CCDC150: variants seen among roughly 807,000 people sequenced by gnomAD.
CCDC150 encodes coiled-coil domain-containing protein 150.
Under a neutral mutation model 156.5 loss-of-function variants are expected in CCDC150, and 151 were observed. That is an observed-to-expected ratio of 0.97 (90% CI 0.85 to 1.10). The LOEUF (loss-of-function observed/expected upper bound fraction) is 1.10, where lower values mean the gene tolerates loss of function less well. Ranked by LOEUF, CCDC150 falls within the 50% of genes least tolerant of loss-of-function variation. The pLI, the probability that CCDC150 is intolerant of heterozygous loss-of-function variation, is 0.00. For synonymous variants in CCDC150, 452 were observed against 429.4 expected (o/e 1.05, Z -0.65); for missense variants, 1,312 against 1,268.1 (o/e 1.03, Z -0.53).
At chr2:196,719,410 T>C in intron 18 of CCDC150, 87 bp from the exon 19 acceptor site, 1 of 1,072,408 alleles carries the variant, frequency 9.3e-7, no homozygotes, top group Non-Finnish European at 1.3e-6. Flanking sequence ...CTGCTTTCCA[T>C]GCTCTTTCCT....
Position 196,639,765 on chromosome 2 carries a change from A to G in CCDC150, c.-2A>G, listed in dbSNP as rs989550164. Reference sequence around the variant, plus strand: ...CTGCAGTACGGAGCCTCAGGCGGACAGATGGACTGTAAGGTGAGGCTGCCG... The same window carrying G: ...CTGCAGTACGGAGCCTCAGGCGGACGGATGGACTGTAAGGTGAGGCTGCCG... On this transcript the variant is annotated 5_prime_UTR_variant, in exon 1 of 28. Coordinates refer to ENST00000389175, the MANE Select transcript of CCDC150 (RefSeq NM_001080539.2). 5.7e-6 allele frequency: 9 copies of G among 1,577,808 alleles called. No individual in the cohort carries two copies. The East Asian group carries it at 1.9e-4, about 32-fold the overall frequency.
chr2:196,722,194 G>C (rs1321793992), intron 21 of CCDC150, among the ~76,000 whole-genome samples: 1 of 152,122 alleles, frequency 6.6e-6, no homozygotes, highest in Non-Finnish European at 1.5e-5. Flanking sequence ...TTATACCTCG[G>C]TAAATATTTA....
intron 13 of CCDC150, among the ~76,000 whole-genome samples, chr2:196,693,733 A>T (rs939632149): frequency 1.3e-5 from 2 of 152,082 alleles, no homozygotes; most frequent in Non-Finnish European, 2.9e-5. Flanking sequence ...TTTTAGGGGG[A>T]AAGTTTTTCA....
intron 4 of CCDC150, among the ~76,000 whole-genome samples, chr2:196,658,578 A>C (rs1575769201): frequency 6.6e-6 from 1 of 152,238 alleles, no homozygotes. Context: ...AGAGGAAATT[A>C]TAGAAATCAT....
chr2:196,676,037 C>A, intron 10 of CCDC150, 106 bp from the exon 11 acceptor site: 1 of 1,037,196 alleles, frequency 9.6e-7, no homozygotes, highest in East Asian at 2.5e-5. Context: ...GTAAATGAAA[C>A]TTGTTTTTTT....
At chr2:196,646,614 A>G in intron 2 of CCDC150, 110 bp downstream of exon 2, 3 of 799,856 alleles carry the variant, frequency 3.8e-6, no homozygotes, top group Non-Finnish European at 6.1e-6. Context: ...ACTGAGAAAT[A>G]ATTTTCATTT....
chr2:196,677,212 C>T (rs1418153059), intron 12 of CCDC150, 81 bp from the exon 13 acceptor site: 3 of 875,732 alleles, frequency 3.4e-6, no homozygotes, highest in African/African-American at 1.7e-5. Context: ...AATTGACATG[C>T]AGGATATGTG....
At chr2:196,706,513 T>C (rs1242559639) in intron 15 of CCDC150, among the ~76,000 whole-genome samples, 3 of 152,196 alleles carry the variant, frequency 2.0e-5, no homozygotes, top group African/African-American at 4.8e-5. Context: ...TTTCTTTCTC[T>C]TGCCTGATTG....
intron 13 of CCDC150, among the ~76,000 whole-genome samples, chr2:196,691,360 A>AC (rs1695460131): frequency 6.6e-6 from 1 of 152,040 alleles, no homozygotes; most frequent in East Asian, 1.9e-4. Flanking sequence ...TTGCTAGGCT[A>AC]TTTGTTACTG....
rs181027963 is a variant in CCDC150, at chr2:196,686,805, C to T, written c.1510-8241C>T. On this transcript the variant is annotated intron_variant, in intron 13 of 27. Coordinates refer to ENST00000389175, the MANE Select transcript of CCDC150 (RefSeq NM_001080539.2). Reference sequence around the variant, plus strand: ...GACACACCCAGTACTTGTTGTTCTCCTCTGTGTATCCATATATTCTCATCA... The same window carrying T: ...GACACACCCAGTACTTGTTGTTCTCTTCTGTGTATCCATATATTCTCATCA... 4.3e-4 allele frequency among the ~76,000 whole-genome samples: 66 copies of T among 152,260 alleles called. No individual in the cohort carries two copies. In the East Asian group the frequency reaches 0.012, roughly 28 times the overall value.
chr2:196,672,281 T>C (rs1254372871), intron 8 of CCDC150, 64 bp from the exon 9 acceptor site: 18 of 726,572 alleles, frequency 2.5e-5, no homozygotes, highest in Non-Finnish European at 3.7e-5. Flanking sequence ...AAAACAGTTA[T>C]TTTTATAGGG....
chr2:196,642,681 G>A (rs747860715), intron 1 of CCDC150, among the ~76,000 whole-genome samples: 4 of 152,108 alleles, frequency 2.6e-5, no homozygotes, highest in East Asian at 1.9e-4. Flanking sequence ...TTCCCATGGC[G>A]GGAAGTGGAG....
In CCDC150 at chr2:196,732,025, A is replaced by G. The variant is rs374780695; in HGVS notation, c.3070-8A>G. On this transcript the variant is annotated splice_region_variant and splice_polypyrimidine_tract_variant and intron_variant, in intron 26 of 27. Coordinates refer to ENST00000389175, the MANE Select transcript of CCDC150 (RefSeq NM_001080539.2). Reference sequence around the variant, plus strand: ...TGTGTCTTTTAATGGTGATATTTATATGTTCAGATAACAGCTAATCTGGAA... The same window carrying G: ...TGTGTCTTTTAATGGTGATATTTATGTGTTCAGATAACAGCTAATCTGGAA... 4.3e-6 allele frequency: 7 copies of G among 1,612,934 alleles called. No individual in the cohort carries two copies. In the African/African-American group the frequency reaches 9.3e-5, roughly 22 times the overall value.
intron 5 of CCDC150, among the ~76,000 whole-genome samples, chr2:196,662,550 G>A (rs1474399358): frequency 1.3e-5 from 2 of 152,188 alleles, no homozygotes; most frequent in Admixed American, 6.5e-5. Context: ...TAATCTGACA[G>A]GAGGCGGAGC....
At position 196,702,630 on chromosome 2, in the gene CCDC150, C is replaced by A. The variant is rs1190794202; in HGVS notation, c.1695+1450C>A. On this transcript the variant is annotated intron_variant, in intron 15 of 27. Transcript: ENST00000389175. ...AAGCAATCTGCCTGCCTTGGCCACC[C>A]AAAGTGCTGGGATTACAAGAGACTT... Among the ~76,000 whole-genome samples, 3 of 151,726 alleles carry A rather than the reference C, an allele frequency of 2.0e-5. No individual in the cohort carries two copies. In the Admixed American group the frequency reaches 2.0e-4, roughly 10 times the overall value.
chr2:196,673,645 G>A (rs1694333819), intron 9 of CCDC150, among the ~76,000 whole-genome samples: 1 of 151,978 alleles, frequency 6.6e-6, no homozygotes, highest in Non-Finnish European at 1.5e-5. Flanking sequence ...AATCTACCTT[G>A]CAAAAATAAC....
At chr2:196,657,252 A>ATT (rs1693263004) in intron 4 of CCDC150, 116 bp downstream of exon 4, 1 of 986,052 alleles carries the variant, frequency 1.0e-6, no homozygotes, top group South Asian at 1.7e-5. Flanking sequence ...GATTCTTGGC[A>ATT]TTTGACATTT....
At chr2:196,678,821 G>T (rs1694653878) in intron 13 of CCDC150, among the ~76,000 whole-genome samples, 1 of 152,138 alleles carries the variant, frequency 6.6e-6, no homozygotes, top group African/African-American at 2.4e-5. Flanking sequence ...CATGAGAATT[G>T]CTTGAACCTC....
At chr2:196,710,891 G>A (rs1697067399) in intron 15 of CCDC150, among the ~76,000 whole-genome samples, 1 of 152,024 alleles carries the variant, frequency 6.6e-6, no homozygotes. Flanking sequence ...TTCAGTGGTG[G>A]ATAGATGGGA....
Sources: gnomAD v4.1 joint callset for allele counts (sites outside exome capture counted in the v4.1 genomes callset) on GRCh38, gnomAD v4.1.1 for gene constraint, MANE v1.5 for transcripts, NCBI Gene and HGNC (gene_info 2026-07-23, HGNC 2026-07-21) for gene names.